RBFOX1: variants seen among roughly 807,000 people sequenced by gnomAD.
The protein encoded by RBFOX1 is RNA binding fox-1 homolog 1.
A neutral mutation model predicts 57.7 loss-of-function variants in RBFOX1; 8 were observed. That is an observed-to-expected ratio of 0.14 (90% CI 0.08 to 0.25). RBFOX1 has a LOEUF of 0.25. Among genes scored for constraint, RBFOX1 ranks in the 10% least tolerant of loss-of-function variants. The probability of loss-of-function intolerance (pLI) is 1.00; values close to 1 mark genes in which losing one functional copy is unlikely to be tolerated. For synonymous variants in RBFOX1, 326 were observed against 222.4 expected (o/e 1.47, Z -4.15); for missense variants, 611 against 548.5 (o/e 1.11, Z -1.14).
intron 3 of RBFOX1, among the ~76,000 whole-genome samples, chr16:7,034,428 T>A (rs1473313523): frequency 1.3e-5 from 2 of 151,370 alleles, no homozygotes; most frequent in Non-Finnish European, 2.9e-5. Flanking sequence ...ATGAAGAGAG[T>A]CGCTGCCCTC....
chr16:6,879,896 C>T (rs773753090), intron 3 of RBFOX1, among the ~76,000 whole-genome samples: 2 of 152,192 alleles, frequency 1.3e-5, no homozygotes, highest in African/African-American at 4.8e-5. Flanking sequence ...ACAGTTAAAT[C>T]TGATCATTTC....
intron 5 of RBFOX1, among the ~76,000 whole-genome samples, chr16:7,547,251 G>A (rs2084828400): frequency 6.6e-6 from 1 of 152,200 alleles, no homozygotes; most frequent in Non-Finnish European, 1.5e-5. Flanking sequence ...AATCCAGCAG[G>A]CAACCTGCTA....
At chr16:6,552,543 A>G (rs962885963) in intron 2 of RBFOX1, among the ~76,000 whole-genome samples, 5 of 152,194 alleles carry the variant, frequency 3.3e-5, no homozygotes, top group African/African-American at 1.2e-4. Context: ...GTTACCTGTT[A>G]TCCCAGTGTT....
At chr16:6,263,110 C>A (rs181799691) in intron 1 of RBFOX1, among the ~76,000 whole-genome samples, 9 of 152,264 alleles carry the variant, frequency 5.9e-5, no homozygotes, top group African/African-American at 1.9e-4. Flanking sequence ...TAGGAGAACA[C>A]AGAGTGCGCC....
At position 6,019,255 on chromosome 16, in the gene RBFOX1, C is replaced by T; in HGVS notation, c.-864C>T. On this transcript the variant is annotated 5_prime_UTR_variant, in exon 1 of 16. Coordinates refer to ENST00000550418, the MANE Select transcript of RBFOX1 (RefSeq NM_018723.4). This position sits in a 1 kb window ranked among gnomAD's most constrained non-coding sequence, Gnocchi z 4.2. ...GGTGCACACACCGCTCCCTCGATCA[C>T]CCCAGCCCCCTTCCTGGTCTCCCGA... The T allele has an allele frequency of 1.0e-6, 1 of 985,434 alleles. No individual in the cohort carries two copies. The highest frequency in any genetic ancestry group is 1.1e-4 in the East Asian group (1 of 8,716). The allele number at this position is 985,434 out of a possible 1,614,324, so 61.0% of individuals were successfully genotyped here.
chr16:6,931,274 T>A (rs1449322966), intron 3 of RBFOX1, among the ~76,000 whole-genome samples: 1 of 120,274 alleles, frequency 8.3e-6, no homozygotes, highest in Non-Finnish European at 1.8e-5. Flanking sequence ...AAAAAAAATC[T>A]ATCTATCTGT....
At chr16:6,539,780 A>T (rs1250337247) in intron 2 of RBFOX1, among the ~76,000 whole-genome samples, 3 of 99,078 alleles carry the variant, frequency 3.0e-5, no homozygotes, top group African/African-American at 8.9e-5. Flanking sequence ...CCTAGGCGGC[A>T]GACTGAGGCT....
chr16:7,120,574 A>G lies in RBFOX1; in HGVS notation c.27+68476A>G, dbSNP rs374703629. 5.9e-5 allele frequency among the ~76,000 whole-genome samples: 9 copies of G among 151,952 alleles called. No homozygotes were observed. The East Asian group carries it at 9.7e-4, about 16-fold the overall frequency. ...TCCTTGACAACCATTACCAAAACTT[A>G]TTCAAAACAAACAGGATAAGCTAAA... On this transcript the variant is annotated intron_variant, in intron 4 of 15. Coordinates refer to ENST00000550418, the MANE Select transcript of RBFOX1 (RefSeq NM_018723.4).
chr16:5,391,076 C>G (rs1052063198), intron 1 of RBFOX1, among the ~76,000 whole-genome samples: 2 of 152,222 alleles, frequency 1.3e-5, no homozygotes, highest in East Asian at 3.8e-4. Flanking sequence ...CACTCCATCT[C>G]TAGTGAGACA....
In RBFOX1 at chr16:5,428,580, A is replaced by C. The variant is rs145593484; in HGVS notation, c.220-38636A>C. ...ACCACGGAGACAAACAGGCAGCTGA[A>C]AGAGGAGACCAGGAAGGACTGACGT... On this transcript the variant is annotated intron_variant, in intron 1 of 2. Transcript: ENST00000585867. Among the ~76,000 whole-genome samples the C allele has an allele frequency of 2.3e-3, 346 of 152,244 alleles. 4 individuals carry two copies. The highest frequency in any genetic ancestry group is 7.9e-3 in the African/African-American group (330 of 41,556).
At chr16:6,816,378 G>A (rs2090068298) in intron 3 of RBFOX1, among the ~76,000 whole-genome samples, 1 of 151,484 alleles carries the variant, frequency 6.6e-6, no homozygotes, top group South Asian at 2.1e-4. Context: ...TTAGATGAAA[G>A]TCAATCTTCG....
intron 1 of RBFOX1, among the ~76,000 whole-genome samples, chr16:5,332,406 T>A (rs2341517): frequency 1.3e-5 from 2 of 151,924 alleles, no homozygotes; most frequent in African/African-American, 2.4e-5. Flanking sequence ...GAATTACAGG[T>A]ACATGCCACC....
chr16:7,048,656 T>C (rs915340748), intron 3 of RBFOX1, among the ~76,000 whole-genome samples: 18 of 152,198 alleles, frequency 1.2e-4, no homozygotes, highest in Non-Finnish European at 2.5e-4. Context: ...TGGAGTCGTT[T>C]TATAACAGCT....
chr16:5,317,285 G>C (rs917710976), intron 1 of RBFOX1, among the ~76,000 whole-genome samples: 12 of 152,048 alleles, frequency 7.9e-5, no homozygotes, highest in Admixed American at 4.6e-4. Context: ...AAATCACCTA[G>C]TCTGCATATC....
intron 3 of RBFOX1, among the ~76,000 whole-genome samples, chr16:5,807,804 G>T (rs1278653529): frequency 1.3e-5 from 2 of 152,176 alleles, no homozygotes; most frequent in African/African-American, 4.8e-5. Flanking sequence ...TGGGGCTGGA[G>T]AGTCTGTGTA....
intron 3 of RBFOX1, among the ~76,000 whole-genome samples, chr16:6,885,779 C>T (rs1423600803): frequency 1.3e-5 from 2 of 152,198 alleles, no homozygotes; most frequent in Non-Finnish European, 2.9e-5. Context: ...GATTCACCTG[C>T]CTTGGCCTCC....
chr16:5,702,936 G>C (rs531747216), intron 3 of RBFOX1, among the ~76,000 whole-genome samples: 1 of 152,140 alleles, frequency 6.6e-6, no homozygotes, highest in Admixed American at 6.5e-5. Flanking sequence ...ACTATGTGAC[G>C]AATTTCAGGC....
chr16:6,979,590 C>G (rs1400248839), intron 3 of RBFOX1, among the ~76,000 whole-genome samples: 1 of 152,144 alleles, frequency 6.6e-6, no homozygotes, highest in African/African-American at 2.4e-5. Flanking sequence ...CAGCACAGTA[C>G]AGGGGTGTGA....
intron 4 of RBFOX1, among the ~76,000 whole-genome samples, chr16:5,922,730 C>T (rs1024992622): frequency 6.6e-6 from 1 of 152,176 alleles, no homozygotes; most frequent in Non-Finnish European, 1.5e-5. Flanking sequence ...CTTCCAACCC[C>T]TCAATGTATT....
Sources: allele counts gnomAD v4.1 joint callset (sites outside exome capture counted in the v4.1 genomes callset), GRCh38; gene constraint gnomAD v4.1.1; non-coding constraint Gnocchi (gnomAD v3.1); transcripts MANE v1.5; gene names NCBI Gene and HGNC (gene_info 2026-07-23, HGNC 2026-07-21).